RNF220: variants seen among roughly 807,000 people sequenced by gnomAD.
The protein encoded by RNF220 is E3 ubiquitin-protein ligase RNF220.
A neutral mutation model predicts 67.1 loss-of-function variants in RNF220; 7 were observed. The ratio of observed to expected loss-of-function variants is 0.10; its 90% confidence interval spans 0.06 to 0.20. The LOEUF (loss-of-function observed/expected upper bound fraction) is 0.20. Among genes scored for constraint, RNF220 ranks in the 10% least tolerant of loss-of-function variants. The probability of loss-of-function intolerance (pLI) is 1.00; values close to 1 mark genes in which losing one functional copy is unlikely to be tolerated. For missense variants in RNF220, 565 were observed against 740.3 expected (o/e 0.76, Z 2.75); for synonymous variants, 270 against 283.2 (o/e 0.95, Z 0.47).
At chr1:44,562,358 C>G (rs1663638687) in intron 2 of RNF220, among the ~76,000 whole-genome samples, 1 of 152,186 alleles carries the variant, frequency 6.6e-6, no homozygotes, top group Non-Finnish European at 1.5e-5. Context: ...CTGCTTAAAC[C>G]CATGTGTCAG....
intron 2 of RNF220, among the ~76,000 whole-genome samples, chr1:44,610,065 G>A (rs1326742330): frequency 6.6e-6 from 1 of 152,182 alleles, no homozygotes; most frequent in South Asian, 2.1e-4. Context: ...AGTGGAGGTG[G>A]CAGGCACTCC....
intron 2 of RNF220, among the ~76,000 whole-genome samples, chr1:44,480,337 G>A (rs112090277): frequency 2.6e-5 from 4 of 152,198 alleles, no homozygotes; most frequent in East Asian, 3.8e-4. Context: ...AGCCTGGGAC[G>A]TAAAGGCTGT....
At chr1:44,454,463 C>T (rs568071553) in intron 2 of RNF220, among the ~76,000 whole-genome samples, 1 of 152,094 alleles carries the variant, frequency 6.6e-6, no homozygotes, top group East Asian at 1.9e-4. Flanking sequence ...AATTAAATCC[C>T]CCTTTTTTTC....
intron 2 of RNF220, among the ~76,000 whole-genome samples, chr1:44,441,962 G>A (rs1651604872): frequency 6.6e-6 from 1 of 152,104 alleles, no homozygotes; most frequent in South Asian, 2.1e-4. Context: ...TAGTTCACAG[G>A]AGTAGCACCC....
At chr1:44,483,934 C>T (rs1656055963) in intron 2 of RNF220, among the ~76,000 whole-genome samples, 1 of 152,124 alleles carries the variant, frequency 6.6e-6, no homozygotes, top group African/African-American at 2.4e-5. Flanking sequence ...GGAGTCTGGG[C>T]TCACTGCTAG....
At chr1:44,577,247 C>CA (rs1160875711) in intron 2 of RNF220, among the ~76,000 whole-genome samples, 1 of 152,188 alleles carries the variant, frequency 6.6e-6, no homozygotes, top group Non-Finnish European at 1.5e-5. Flanking sequence ...TGCCCAAGTA[C>CA]AAGCCCCTGC....
At chr1:44,436,488 C>G (rs1198755257) in intron 2 of RNF220, among the ~76,000 whole-genome samples, 1 of 151,986 alleles carries the variant, frequency 6.6e-6, no homozygotes, top group African/African-American at 2.4e-5. Flanking sequence ...AGCACAAAGG[C>G]CAGGGGAGGG....
At chr1:44,416,781 C>T (rs1161242442) in intron 2 of RNF220, among the ~76,000 whole-genome samples, 1 of 152,228 alleles carries the variant, frequency 6.6e-6, no homozygotes, top group Non-Finnish European at 1.5e-5. Context: ...AGGCAGGAAA[C>T]CTGATGGCTC....
chr1:44,421,423 A>T (rs1295576963), intron 2 of RNF220, among the ~76,000 whole-genome samples: 1 of 152,112 alleles, frequency 6.6e-6, no homozygotes, highest in African/African-American at 2.4e-5. Context: ...ATTTTAAGTT[A>T]TACAGACAGT....
chr1:44,546,407 A>G (rs1448333134), intron 2 of RNF220, among the ~76,000 whole-genome samples: 5 of 152,172 alleles, frequency 3.3e-5, no homozygotes, highest in Admixed American at 6.5e-5. Context: ...TTCTTCTTCC[A>G]GGAAGTCCCT....
intron 2 of RNF220, among the ~76,000 whole-genome samples, chr1:44,455,803 C>A (rs1653118194): frequency 6.6e-6 from 1 of 152,122 alleles, no homozygotes; most frequent in African/African-American, 2.4e-5. Flanking sequence ...TTGGAATAAA[C>A]ACGGGAACTT....
chr1:44,568,610 G>A (rs896866583), intron 2 of RNF220, among the ~76,000 whole-genome samples: 2 of 152,204 alleles, frequency 1.3e-5, no homozygotes, highest in Non-Finnish European at 2.9e-5. Flanking sequence ...TTTGGAAGGC[G>A]TTTCTCTGTA....
chr1:44,644,579 C>A (rs556152897), intron 8 of RNF220, 119 bp from the exon 9 acceptor site: 4 of 704,002 alleles, frequency 5.7e-6, no homozygotes, highest in Non-Finnish European at 9.9e-6. Context: ...ACATCCCAGG[C>A]CCAGGTTTCC....
At chr1:44,632,062 C>T (rs951074376) in intron 5 of RNF220, 1 of 1,122,586 alleles carries the variant, frequency 8.9e-7, no homozygotes, top group Non-Finnish European at 1.1e-6. Flanking sequence ...CCTCGCCGGC[C>T]GGGCGGCCGT....
At chr1:44,562,492 C>G (rs1663651235) in intron 2 of RNF220, among the ~76,000 whole-genome samples, 1 of 152,210 alleles carries the variant, frequency 6.6e-6, no homozygotes, top group South Asian at 2.1e-4. Context: ...TAACAAGCAT[C>G]CATAGGTACG....
At chr1:44,444,048 G>C (rs1651828697) in intron 2 of RNF220, among the ~76,000 whole-genome samples, 1 of 152,190 alleles carries the variant, frequency 6.6e-6, no homozygotes, top group African/African-American at 2.4e-5. Context: ...CCAAGATGGT[G>C]CCACTGCACT....
At chr1:44,468,151 A>G (rs997002437) in intron 2 of RNF220, among the ~76,000 whole-genome samples, 15 of 150,404 alleles carry the variant, frequency 1.0e-4, no homozygotes, top group Non-Finnish European at 1.8e-4. Context: ...AATGGCACTG[A>G]TAGATTTGCT....
chr1:44,638,922 G>C (rs371962778), intron 8 of RNF220, among the ~76,000 whole-genome samples: 1 of 152,216 alleles, frequency 6.6e-6, no homozygotes, highest in African/African-American at 2.4e-5. Context: ...GAGGCACTCT[G>C]ACCTTCCCAA....
chr1:44,646,754 C>T (rs1447997833), intron 12 of RNF220, among the ~76,000 whole-genome samples: 2 of 152,178 alleles, frequency 1.3e-5, no homozygotes, highest in South Asian at 2.1e-4. Context: ...CACAGGCACC[C>T]GTAGGCAGGG....
Sources: allele counts gnomAD v4.1 joint callset (sites outside exome capture counted in the v4.1 genomes callset), GRCh38; gene constraint gnomAD v4.1.1; transcripts MANE v1.5; gene names NCBI Gene and HGNC (gene_info 2026-07-23, HGNC 2026-07-21).